PPP6R2: variants seen among roughly 807,000 people sequenced by gnomAD.
PPP6R2 encodes protein phosphatase 6 regulatory subunit 2.
Under a neutral mutation model 100.2 loss-of-function variants are expected in PPP6R2, and 62 were observed. The ratio of observed to expected loss-of-function variants is 0.62; its 90% CI spans 0.50 to 0.76. PPP6R2 has a LOEUF of 0.76. PPP6R2 is among the 30% of genes least tolerant of loss of function. The probability of loss-of-function intolerance (pLI) is 0.00; values close to 1 mark genes in which losing one functional copy is unlikely to be tolerated. For synonymous variants in PPP6R2, 525 were observed against 514.7 expected, an observed-to-expected ratio of 1.02 and a Z score of -0.27; for missense variants, 1,142 against 1,276.3, an observed-to-expected ratio of 0.89 and a Z score of 1.60.
chr22:50,437,182 G>C, intron 15 of PPP6R2, 114 bp downstream of exon 15: 1 of 1,097,196 alleles, frequency 9.1e-7, no homozygotes, highest in Non-Finnish European at 1.3e-6. Flanking sequence ...GGGAGCGGGG[G>C]CTCGTCTCCG....
At chr22:50,424,313 G>A (rs1427845460) in intron 10 of PPP6R2, among the ~76,000 whole-genome samples, 1 of 140,908 alleles carries the variant, frequency 7.1e-6, no homozygotes, top group African/African-American at 2.6e-5. Flanking sequence ...GTGCTGTCTG[G>A]CTCAGTTCTG....
At chr22:50,369,249 AAG>A (rs1491473206) in intron 1 of PPP6R2, among the ~76,000 whole-genome samples, 1 of 151,826 alleles carries the variant, frequency 6.6e-6, no homozygotes, top group South Asian at 2.1e-4. Flanking sequence ...AAAAAAAAAA[AAG>A]AAAACACATT....
intron 5 of PPP6R2, 84 bp downstream of exon 5, chr22:50,414,773 A>G: frequency 6.8e-7 from 1 of 1,468,236 alleles, no homozygotes; most frequent in South Asian, 1.3e-5. Flanking sequence ...TCAGAGCACC[A>G]GGGCGCCCGG....
At chr22:50,350,281 A>AGTGCAGTG (rs1030211504) in intron 1 of PPP6R2, among the ~76,000 whole-genome samples, 4 of 150,996 alleles carry the variant, frequency 2.6e-5, no homozygotes, top group Non-Finnish European at 5.9e-5. Flanking sequence ...CCCTGGCTGG[A>AGTGCAGTG]GTGCAGTGGT....
intron 8 of PPP6R2, among the ~76,000 whole-genome samples, chr22:50,420,046 G>A (rs1484470837): frequency 2.0e-5 from 3 of 152,216 alleles, no homozygotes; most frequent in Non-Finnish European, 2.9e-5. Flanking sequence ...ACGGGCCCGA[G>A]GAGACAGAGA....
At chr22:50,332,231 ATTTT>A in the PPP6R2 span, among the ~76,000 whole-genome samples, 1 of 145,156 alleles carries the variant, frequency 6.9e-6, no homozygotes, top group South Asian at 2.2e-4. Flanking sequence ...CTTCTAGAAG[ATTTT>A]TTTTTTTTTT....
At chr22:50,405,349 G>T (rs2058692624) in intron 3 of PPP6R2, among the ~76,000 whole-genome samples, 1 of 96,594 alleles carries the variant, frequency 1.0e-5, no homozygotes, top group African/African-American at 3.2e-5. Context: ...GAGTGTGAAG[G>T]CCTGGAGAGA....
intron 14 of PPP6R2, 62 bp from the exon 15 acceptor site, chr22:50,436,926 C>T: frequency 1.4e-6 from 2 of 1,381,892 alleles, no homozygotes; most frequent in Non-Finnish European, 2.0e-6. Context: ...GGGCGCTGGG[C>T]TGGGTGGGGT....
chr22:50,428,514 C>T lies in PPP6R2; in HGVS notation c.1126-2659C>T, dbSNP rs200138534. On this transcript the variant is annotated intron_variant, in intron 10 of 23. Coordinates refer to ENST00000612753, the MANE Select transcript of PPP6R2 (RefSeq NM_001242898.2). ...TTGCTTGAACCCAAGAGTTTAAGAC[C>T]AGCCTGGGCAACATAGTGAGACCTG... is the stretch of plus-strand genomic sequence containing the variant. 2.0e-5 allele frequency among the ~76,000 whole-genome samples: 3 copies of T among 152,074 alleles called. No homozygotes were observed. The East Asian group carries it at 5.8e-4, about 29-fold the overall frequency.
chr22:50,385,512 T>G (rs1370794621), intron 2 of PPP6R2, among the ~76,000 whole-genome samples: 2 of 149,576 alleles, frequency 1.3e-5, no homozygotes, highest in East Asian at 2.0e-4. Context: ...ATTAAGTTTT[T>G]TTTTTTTTTT....
Position 50,444,007 on chromosome 22 carries a change from C to T in PPP6R2, c.2721C>T (p.Pro907=), listed in dbSNP as rs1569503626. 10 of 1,613,422 alleles carry T rather than the reference C, an allele frequency of 6.2e-6. No homozygotes were observed. The highest frequency in any genetic ancestry group is 1.7e-4 in the Middle Eastern group (1 of 6,054). The change falls in exon 23 of 24, where the codon CCC becomes CCT. Residue 907 remains proline (P), a synonymous_variant. Coordinates refer to ENST00000612753, the MANE Select transcript of PPP6R2 (RefSeq NM_001242898.2). ...TALSKAGPAI[P]TPAVSSALAV... ...TGAGCAAGGCTGGCCCCGCCATACC[C>T]ACCCCAGCAGTCTCTTCTGCACTGG...
chr22:50,426,930 T>G (rs2062242138), intron 10 of PPP6R2, among the ~76,000 whole-genome samples: 1 of 151,498 alleles, frequency 6.6e-6, no homozygotes, highest in South Asian at 2.1e-4. Context: ...GGCTCATGCC[T>G]GTAATCCCAG....
intron 13 of PPP6R2, among the ~76,000 whole-genome samples, 183 bp from the exon 14 acceptor site, chr22:50,436,184 A>C (rs1417902593): frequency 6.6e-6 from 1 of 152,206 alleles, no homozygotes; most frequent in Non-Finnish European, 1.5e-5. Context: ...GCCCCTCCGG[A>C]CACGCGGCTA....
At chr22:50,432,423 C>A in intron 12 of PPP6R2, 94 bp downstream of exon 12, 1 of 1,232,072 alleles carries the variant, frequency 8.1e-7, no homozygotes, top group Non-Finnish European at 1.2e-6. Context: ...GCGTGCAGGA[C>A]TGCAGGATCG....
At chr22:50,365,848 C>G (rs1218490167) in intron 1 of PPP6R2, among the ~76,000 whole-genome samples, 4 of 152,006 alleles carry the variant, frequency 2.6e-5, no homozygotes, top group African/African-American at 9.7e-5. Context: ...TCCCACCTTG[C>G]TCCTGAGTAG....
chr22:50,389,003 A>G (rs945104021), intron 2 of PPP6R2: 10 of 152,192 alleles, frequency 6.6e-5, no homozygotes, highest in African/African-American at 2.2e-4. Context: ...TCATGGAACT[A>G]TATGATCATA....
At chr22:50,351,578 T>C (rs1437851497) in intron 1 of PPP6R2, among the ~76,000 whole-genome samples, 1 of 151,984 alleles carries the variant, frequency 6.6e-6, no homozygotes, top group East Asian at 1.9e-4. Context: ...TTGTCCTAGC[T>C]GGATCTTCCA....
chr22:50,443,903 T>C lies in PPP6R2; in HGVS notation c.2617T>C (p.Cys873Arg), dbSNP rs767777445. 5 of 1,590,790 alleles carry C rather than the reference T, an allele frequency of 3.1e-6. No individual in the cohort carries two copies. The highest frequency in any genetic ancestry group is 1.1e-5 in the South Asian group (1 of 88,396). The change falls in exon 23 of 24, where the codon TGC becomes CGC. Residue 873 changes from cysteine to arginine, a missense_variant. Physicochemically the swap from Cys to Arg is radical, Grantham distance 180. Transcript: ENST00000612753. ...TGACAGCCGGCTGTTAAGCCCTGCC[T>C]GCCCCGCGCCAAAGGAAGTGACTGC... ...CADSRLLSPA[C>R]PAPKEVTAAP...
At chr22:50,368,575 A>G (rs2049264407) in intron 1 of PPP6R2, among the ~76,000 whole-genome samples, 1 of 152,202 alleles carries the variant, frequency 6.6e-6, no homozygotes. Flanking sequence ...TCTATAATCT[A>G]TTTCTAGTAT....
Sources: allele counts gnomAD v4.1 joint callset (sites outside exome capture counted in the v4.1 genomes callset), GRCh38; gene constraint gnomAD v4.1.1; transcripts MANE v1.5; gene names NCBI Gene and HGNC (gene_info 2026-07-23, HGNC 2026-07-21).